CDC73: variants seen among roughly 807,000 people sequenced by gnomAD.
CDC73 encodes cell division cycle 73, also known as parafibromin.
In CDC73, 21 loss-of-function variants were observed where a neutral mutation model predicts 83.7. The observed-to-expected ratio is 0.25, with a 90% CI of 0.18 to 0.36. The LOEUF is 0.36. CDC73 is among the 10% of genes least tolerant of loss of function. CDC73 has a pLI of 1.00. For synonymous variants in CDC73, 224 were observed against 212.9 expected (o/e 1.05, Z -0.45); for missense variants, 342 against 653.3 (o/e 0.52, Z 5.19).
chr1:193,130,754 A>G (rs1675680456), intron 3 of CDC73, among the ~76,000 whole-genome samples: 1 of 152,162 alleles, frequency 6.6e-6, no homozygotes, highest in Non-Finnish European at 1.5e-5. Flanking sequence ...CACTCCTTGT[A>G]AGGTCAAAAC....
chr1:193,196,174 T>C (rs893470733), intron 10 of CDC73, among the ~76,000 whole-genome samples: 3 of 152,202 alleles, frequency 2.0e-5, no homozygotes, highest in Non-Finnish European at 4.4e-5. Flanking sequence ...GTATATAGTT[T>C]AAAGTAATGG....
chr1:193,150,420 T>C, intron 9 of CDC73, 38 bp downstream of exon 9: 16 of 1,410,004 alleles, frequency 1.1e-5, no homozygotes, highest in Non-Finnish European at 1.2e-5. Flanking sequence ...TTAGTGTGGT[T>C]GTGTTGAACT....
At chr1:193,243,682 T>A (rs1300293321) in intron 15 of CDC73, among the ~76,000 whole-genome samples, 5 of 152,198 alleles carry the variant, frequency 3.3e-5, no homozygotes, top group Admixed American at 6.5e-5. Flanking sequence ...TTTTTTTTAA[T>A]TGACAAATTT....
At chr1:193,185,757 C>T (rs1676795773) in intron 10 of CDC73, among the ~76,000 whole-genome samples, 1 of 151,912 alleles carries the variant, frequency 6.6e-6, no homozygotes, top group African/African-American at 2.4e-5. Flanking sequence ...TTAAGGAATC[C>T]TTTAAACACA....
intron 11 of CDC73, among the ~76,000 whole-genome samples, chr1:193,204,248 T>C (rs1294442593): frequency 8.4e-6 from 1 of 118,652 alleles, no homozygotes; most frequent in Non-Finnish European, 1.8e-5. Flanking sequence ...CGTATATATA[T>C]GTGTATGTGT....
intron 15 of CDC73, chr1:193,237,075 C>G (rs1313495500): frequency 6.6e-6 from 1 of 151,372 alleles, no homozygotes; most frequent in East Asian, 2.0e-4. Flanking sequence ...TCCTGAGTAG[C>G]TAGGACTACA....
At chr1:193,182,109 C>A (rs1214886841) in intron 10 of CDC73, among the ~76,000 whole-genome samples, 3 of 152,038 alleles carry the variant, frequency 2.0e-5, no homozygotes, top group African/African-American at 4.8e-5. Context: ...CAGTCAGAGG[C>A]CTTTTTTGTA....
At chr1:193,129,693 A>G (rs1020159235) in intron 2 of CDC73, among the ~76,000 whole-genome samples, 3 of 151,224 alleles carry the variant, frequency 2.0e-5, no homozygotes, top group African/African-American at 7.3e-5. Context: ...TTGTCTTTTT[A>G]GTAGAGACGG....
chr1:193,235,676 T>G (rs995835250), intron 14 of CDC73, among the ~76,000 whole-genome samples: 1 of 152,140 alleles, frequency 6.6e-6, no homozygotes, highest in African/African-American at 2.4e-5. Flanking sequence ...CTTATAAATT[T>G]AGGGTGAATG....
intron 10 of CDC73, chr1:193,179,449 G>A (rs570352871): frequency 5.9e-5 from 9 of 152,620 alleles, no homozygotes; most frequent in African/African-American, 2.2e-4. Flanking sequence ...AGATATATTC[G>A]AAGTTAGATA....
At chr1:193,231,062 C>T (rs533370823) in intron 13 of CDC73, among the ~76,000 whole-genome samples, 4 of 152,162 alleles carry the variant, frequency 2.6e-5, no homozygotes, top group Non-Finnish European at 5.9e-5. Context: ...TGTAGACCTG[C>T]AAAAGTTGAA....
intron 5 of CDC73, chr1:193,136,574 G>C (rs1426689712): frequency 4.7e-6 from 1 of 213,934 alleles, no homozygotes. Flanking sequence ...TATCATCTAT[G>C]AGCGAATAGG....
At chr1:193,193,464 G>C (rs913351615) in intron 10 of CDC73, among the ~76,000 whole-genome samples, 1 of 151,972 alleles carries the variant, frequency 6.6e-6, no homozygotes, top group Non-Finnish European at 1.5e-5. Context: ...GTTCCCAATT[G>C]AACTTGGTTT....
intron 10 of CDC73, among the ~76,000 whole-genome samples, chr1:193,189,864 G>A (rs1243033798): frequency 6.6e-6 from 1 of 152,204 alleles, no homozygotes; most frequent in African/African-American, 2.4e-5. Context: ...AGTAACTCAT[G>A]GAGTTACATC....
rs1675913850 is a variant in CDC73, at chr1:193,141,991, A to G, written c.654A>G (p.Val218=). ...LKQRSFVDAE[V]DVTRDIVSRE... ...AGAGGAGTTTTGTGGATGCTGAGGT[A>G]GATGTGACCCGAGATATTGTCAGCA... Residue 218 remains valine, a synonymous_variant, in exon 7 of 17, where the codon GTA becomes GTG. Transcript: ENST00000367435. The G allele has an allele frequency of 1.2e-6, 2 of 1,613,870 alleles. No individual in the cohort carries two copies. Among genetic ancestry groups the G allele is most frequent in the Non-Finnish European group, 1.7e-6 (2 of 1,179,908 alleles).
At chr1:193,234,220 C>CACACACAT (rs1553291178) in intron 14 of CDC73, among the ~76,000 whole-genome samples, 4 of 31,724 alleles carry the variant, frequency 1.3e-4, no homozygotes, top group African/African-American at 3.7e-4. Context: ...CACACACACA[C>CACACACAT]ATATATATAT....
intron 10 of CDC73, chr1:193,181,111 G>T (rs1323956750): frequency 6.2e-7 from 1 of 1,613,884 alleles, no homozygotes; most frequent in South Asian, 1.1e-5. Flanking sequence ...TATTAAAAAA[G>T]GACTTTTCTC....
intron 11 of CDC73, among the ~76,000 whole-genome samples, chr1:193,204,066 G>A (rs897701104): frequency 6.6e-6 from 1 of 151,792 alleles, no homozygotes; most frequent in Non-Finnish European, 1.5e-5. Context: ...AGCATCATTA[G>A]TAAATCTTCA....
At chr1:193,180,496 A>G (rs1018417922) in intron 10 of CDC73, 2 of 1,613,994 alleles carry the variant, frequency 1.2e-6, no homozygotes, top group Non-Finnish European at 1.7e-6. Flanking sequence ...GGGAGGGGGT[A>G]CAGGATCAAT....
Sources: gnomAD v4.1 joint callset for allele counts (sites outside exome capture counted in the v4.1 genomes callset) on GRCh38, gnomAD v4.1.1 for gene constraint, MANE v1.5 for transcripts, NCBI Gene and HGNC (gene_info 2026-07-23, HGNC 2026-07-21) for gene names.